Variants in ACADVL observed in about 807,000 individuals in gnomAD.
ACADVL encodes acyl-CoA dehydrogenase very long chain, also known as very long-chain acyl-CoA dehydrogenase, mitochondrial.
ACADVL carries 73 observed loss-of-function variants against 80.4 expected under a neutral mutation model. That is an observed-to-expected ratio of 0.91 (90% CI 0.75 to 1.10). The LOEUF is 1.10. ACADVL is among the 50% of genes least tolerant of loss of function. The pLI is 0.00. For synonymous variants in ACADVL, 392 were observed against 326.5 expected (o/e 1.20, Z -2.16); for missense variants, 878 against 858.9 (o/e 1.02, Z -0.28).
At chr17:7,221,896 C>G (rs764677627) in intron 7 of ACADVL, 56 bp from the exon 8 acceptor site, 2 of 1,613,214 alleles carry the variant, frequency 1.2e-6, no homozygotes. Context: ...GGAAGTGGGC[C>G]GAGGGGACTT....
At chr17:7,224,104 G>A in intron 14 of ACADVL, 35 bp downstream of exon 14, 1 of 1,613,774 alleles carries the variant, frequency 6.2e-7, no homozygotes, top group Non-Finnish European at 8.5e-7. Flanking sequence ...TAGAGGTGGG[G>A]AGGACAGTGA....
Position 7,223,152 on chromosome 17 carries a change from G to C in ACADVL, c.1097G>C (p.Arg366Pro), listed in dbSNP as rs112406105. The change falls in exon 11 of 20, where the codon CGT (arginine) becomes CCT (proline). Residue 366 changes from arginine (R) to proline (P), a missense_variant. By Grantham distance (103) the Arg-to-Pro change is moderately radical. Coordinates refer to ENST00000356839, the MANE Select transcript of ACADVL (RefSeq NM_000018.4). Reference protein sequence around the residue: ...IAKAVDHATNRTQFGEKIHNF... With the variant: ...IAKAVDHATNPTQFGEKIHNF... ...TTCCAGGTAGATCATGCCACTAATC[G>C]TACCCAGTTTGGGGAGAAAATTCAC... The C allele has an allele frequency of 1.2e-6, 2 of 1,613,862 alleles. No homozygotes were observed. The highest frequency in any genetic ancestry group is 2.2e-5 in the East Asian group (1 of 44,882).
At chr17:7,221,227 C>T (rs892994409) in intron 6 of ACADVL, 169 bp downstream of exon 6, 6 of 1,204,552 alleles carry the variant, frequency 5.0e-6, no homozygotes, top group South Asian at 1.4e-5. Flanking sequence ...TACATGCAGT[C>T]CCCTAGGCCT....
rs367698832 is a variant in ACADVL at position 7,225,127 on chromosome 17, T to C, written c.*30T>C. 14 of 1,613,684 alleles carry C rather than the reference T, an allele frequency of 8.7e-6. No homozygotes were observed. Among genetic ancestry groups the C allele is most frequent in the African/African-American group, 6.7e-5 (5 of 74,934 alleles). On this transcript the variant is annotated 3_prime_UTR_variant, in exon 20 of 20. Coordinates refer to ENST00000356839, the MANE Select transcript of ACADVL (RefSeq NM_000018.4). Reference sequence around the variant, plus strand: ...TCCCGGCCAGGGCCTGTCCCAGTTATGTGCCTTCCCTCAAGCCAAAGCCGA... The same window carrying C: ...TCCCGGCCAGGGCCTGTCCCAGTTACGTGCCTTCCCTCAAGCCAAAGCCGA...
upstream of ACADVL, chr17:7,219,753 G>A: frequency 6.8e-7 from 1 of 1,466,238 alleles, no homozygotes. Flanking sequence ...CGGACGGGCG[G>A]GATTAAGGAG....
At position 7,224,184 on chromosome 17, in the gene ACADVL, AAAG is replaced by A; in HGVS notation, c.1476_1478del (p.Lys492del). The A allele has an allele frequency of 6.2e-7, 1 of 1,614,112 alleles. No individual in the cohort carries two copies. Among genetic ancestry groups the A allele is most frequent in the Non-Finnish European group, 8.5e-7 (1 of 1,180,018 alleles). ...AGCTCTCTGGGCTTGGCAGTGCTCT[AAAG>A]AATCCCTTTGGGAATGCTGGCCTCC... On this transcript the variant is annotated inframe_deletion, in exon 15 of 20. Coordinates refer to ENST00000356839, the MANE Select transcript of ACADVL (RefSeq NM_000018.4).
rs773274279 is a variant in ACADVL, at chr17:7,224,168, G to A, written c.1457G>A (p.Gly486Glu). 1.2e-6 allele frequency: 2 copies of A among 1,614,138 alleles called. No individual in the cohort carries two copies. Among genetic ancestry groups the A allele is most frequent in the East Asian group, 2.2e-5 (1 of 44,886 alleles). ...GCMDKGKELS[G>E]LGSALKNPFG... Reference sequence around the variant, plus strand: ...TAGGACAAAGGAAAGGAGCTCTCTGGGCTTGGCAGTGCTCTAAAGAATCCC... The same window carrying A: ...TAGGACAAAGGAAAGGAGCTCTCTGAGCTTGGCAGTGCTCTAAAGAATCCC... The change falls in exon 15 of 20, where the codon GGG (glycine) becomes GAG (glutamate). Residue 486 changes from glycine (G) to glutamate (E), a missense_variant. By Grantham distance (98) the Gly-to-Glu change is moderately conservative (BLOSUM62 -2). Coordinates refer to ENST00000356839, the MANE Select transcript of ACADVL (RefSeq NM_000018.4).
In ACADVL at chr17:7,220,970, A is replaced by G; in HGVS notation, c.389A>G (p.Glu130Gly). The G allele has an allele frequency of 6.2e-7, 1 of 1,614,044 alleles. No individual in the cohort carries two copies. Among genetic ancestry groups the G allele is most frequent in the Non-Finnish European group, 8.5e-7 (1 of 1,180,034 alleles). Reference sequence around the variant, plus strand: ...AATGACGCTCTGGAGATGGTGGAGGAGACCACTTGGCAGGGCCTCAAGGAG... The same window carrying G: ...AATGACGCTCTGGAGATGGTGGAGGGGACCACTTGGCAGGGCCTCAAGGAG... ...AKNDALEMVE[E>G]TTWQGLKELG... Residue 130 changes from glutamate (E) to glycine (G), a missense_variant, in exon 6 of 20, where the codon GAG (glutamate) becomes GGG (glycine). By Grantham distance (98) the Glu-to-Gly change is moderately conservative. Transcript: ENST00000356839.
upstream of ACADVL, chr17:7,219,134 T>C (rs1005621648): frequency 2.0e-6 from 1 of 511,562 alleles, no homozygotes; most frequent in African/African-American, 1.9e-5. Flanking sequence ...AGCCCAGCTC[T>C]CTCTCCTCCT....
chr17:7,222,280 A>G lies in ACADVL; in HGVS notation c.856A>G (p.Arg286Gly), dbSNP rs751556332. Reference sequence around the variant, plus strand: ...GAAGATCACAGCTTTTGTGGTGGAGAGGGGCTTCGGGGGCATTACCCAGTG... The same window carrying G: ...GAAGATCACAGCTTTTGTGGTGGAGGGGGGCTTCGGGGGCATTACCCAGTG... ...KEKITAFVVERGFGGITHGPP... is the reference protein window; with the variant it reads ...KEKITAFVVEGGFGGITHGPP... The change falls in exon 9 of 20, where the codon AGG becomes GGG. Residue 286 changes from arginine to glycine, a missense_variant. Coordinates refer to ENST00000356839, the MANE Select transcript of ACADVL (RefSeq NM_000018.4). The G allele has an allele frequency of 6.8e-6, 11 of 1,613,758 alleles. No homozygotes were observed. The highest frequency in any genetic ancestry group is 8.5e-6 in the Non-Finnish European group (10 of 1,179,956).
At position 7,219,978 on chromosome 17, in the gene ACADVL, T is replaced by C; in HGVS notation, c.-7T>C. 2 of 1,601,080 alleles carry C rather than the reference T, an allele frequency of 1.2e-6. No individual in the cohort carries two copies. The highest frequency in any genetic ancestry group is 1.7e-6 in the Non-Finnish European group (2 of 1,177,226). ...CTCGAGCCAGCGGCGCCCGGAGAGA[T>C]TCGGAGATGCAGGCGGCTCGGATGG... On this transcript the variant is annotated 5_prime_UTR_variant, in exon 1 of 20. Transcript: ENST00000356839.
chr17:7,224,817 G>T lies in ACADVL; in HGVS notation c.1760G>T (p.Arg587Ile). The change falls in exon 19 of 20, where the codon AGA (arginine) becomes ATA (isoleucine). Residue 587 changes from arginine (R) to isoleucine (I), a missense_variant. By Grantham distance (97) the Arg-to-Ile change is moderately conservative. Coordinates refer to ENST00000356839, the MANE Select transcript of ACADVL (RefSeq NM_000018.4). ...CTCCTGCTTCCTGCCAGGGCCTCAAGATCCCTGAGTGAGGGCCACCCCACG... is the reference window on the plus strand; with the variant it reads ...CTCCTGCTTCCTGCCAGGGCCTCAATATCCCTGAGTGAGGGCCACCCCACG... ...AMVVVLSRAS[R>I]SLSEGHPTAQ... 1 of 1,613,970 alleles carries T rather than the reference G, an allele frequency of 6.2e-7. No homozygotes were observed. The highest frequency in any genetic ancestry group is 8.5e-7 in the Non-Finnish European group (1 of 1,180,014).
At position 7,222,070 on chromosome 17, in the gene ACADVL, G is replaced by A. The variant is rs199876141; in HGVS notation, c.741G>A (p.Lys247=). 1 of 1,614,136 alleles carries A rather than the reference G, an allele frequency of 6.2e-7. No homozygotes were observed. The highest frequency in any genetic ancestry group is 2.2e-5 in the East Asian group (1 of 44,872). Reference sequence around the variant, plus strand: ...AATACTATACCCTCAATGGAAGCAAGCTTTGGATCAGGCAACCTGCCTCCC... The same window carrying A: ...AATACTATACCCTCAATGGAAGCAAACTTTGGATCAGGCAACCTGCCTCCC... ...CGKYYTLNGS[K]LWISNGGLAD... Residue 247 remains lysine (K), a synonymous_variant, in exon 8 of 20, where the codon AAG becomes AAA. Transcript: ENST00000356839.
At chr17:7,222,329 T>C (rs2071271753) in intron 9 of ACADVL, 27 bp downstream of exon 9, 1 of 1,611,214 alleles carries the variant, frequency 6.2e-7, no homozygotes, top group Non-Finnish European at 8.5e-7. Flanking sequence ...TGGGGGAGCT[T>C]AGGACTGAGG....
At chr17:7,222,966 A>G in intron 10 of ACADVL, 101 bp downstream of exon 10, 1 of 1,490,518 alleles carries the variant, frequency 6.7e-7, no homozygotes, top group Non-Finnish European at 9.2e-7. Context: ...TACACTAGAA[A>G]CTCCTCCCCT....
rs1000852748 is a variant in ACADVL, at chr17:7,224,909, A to C, written c.1827+25A>C. 5.6e-6 allele frequency: 9 copies of C among 1,613,932 alleles called. No homozygotes were observed. In the African/African-American group the frequency reaches 9.3e-5, roughly 17 times the overall value. ...GGTGAGACTCGGGGCTGCCAAGCTC[A>C]GGTGAGGGCTGGAGGTGCAGGCCCA... On this transcript the variant is annotated intron_variant, in intron 19 of 19. Transcript: ENST00000356839.
chr17:7,223,748 C>T lies in ACADVL; in HGVS notation c.1269+18C>T. 6.2e-7 allele frequency: 1 copy of T among 1,614,094 alleles called. No homozygotes were observed. The highest frequency in any genetic ancestry group is 8.5e-7 in the Non-Finnish European group (1 of 1,180,020). ...TTGGCTCGGTGAGGTCCCAGGCATGCTGGGAGGGAGTCCAGTTTGGGTGCT... is the reference window on the plus strand; with the variant it reads ...TTGGCTCGGTGAGGTCCCAGGCATGTTGGGAGGGAGTCCAGTTTGGGTGCT... On this transcript the variant is annotated intron_variant, in intron 12 of 19. Transcript: ENST00000356839.
upstream of ACADVL, chr17:7,217,325 C>T: frequency 1.9e-5 from 2 of 104,212 alleles, no homozygotes; most frequent in Non-Finnish European, 1.8e-5. Flanking sequence ...GGGAGGGGAG[C>T]GTGGGAGGGA....
rs764055292 is a variant in ACADVL, at chr17:7,224,474, C to T, written c.1606-6C>T. The T allele has an allele frequency of 7.6e-5, 123 of 1,613,800 alleles. No individual in the cohort carries two copies. The highest frequency in any genetic ancestry group is 1.0e-4 in the Non-Finnish European group (122 of 1,180,010). On this transcript the variant is annotated splice_polypyrimidine_tract_variant and splice_region_variant and intron_variant, in intron 16 of 19. Coordinates refer to ENST00000356839, the MANE Select transcript of ACADVL (RefSeq NM_000018.4). ...TCTGAGCCCCGCACTGTCCCCATCT[C>T]TTAAGGCAGTACGGGCTCTGGAGCA... is the stretch of plus-strand genomic sequence containing the variant.
Sources: allele counts gnomAD v4.1 joint callset, GRCh38; gene constraint gnomAD v4.1.1; transcripts MANE v1.5; gene names NCBI Gene and HGNC (gene_info 2026-07-23, HGNC 2026-07-21).